PTPRD: variants seen among roughly 807,000 people sequenced by gnomAD.
PTPRD encodes the protein protein tyrosine phosphatase receptor type D, also known as receptor-type tyrosine-protein phosphatase delta.
In PTPRD, 34 loss-of-function variants were observed where a neutral mutation model predicts 214.5. The ratio of observed to expected loss-of-function variants is 0.16; its 90% confidence interval spans 0.12 to 0.21. The LOEUF is 0.21. Ranked by LOEUF, PTPRD falls within the 10% of genes least tolerant of loss-of-function variation. The pLI, the probability that PTPRD is intolerant of heterozygous loss-of-function variation, is 1.00. For missense variants in PTPRD, 2,545 were observed against 2,398.7 expected, an observed-to-expected ratio of 1.06 and a Z score of -1.27; for synonymous variants, 1,128 against 845.7, an observed-to-expected ratio of 1.33 and a Z score of -5.79.
Position 9,183,292 on chromosome 9 carries a change from T to C in PTPRD, c.-143+12A>G, listed in dbSNP as rs934738652. On this transcript the variant is annotated intron_variant, in intron 10 of 45. Coordinates refer to ENST00000381196, the MANE Select transcript of PTPRD (RefSeq NM_002839.4). ...GAGAAGGGAAAGGGTTAAAATGTGG[T>C]TGTGGACTCACCTTGAGTTAGCCAC... 8 of 152,030 alleles carry C rather than the reference T, an allele frequency of 5.3e-5. No individual in the cohort carries two copies. Among genetic ancestry groups the C allele is most frequent in the African/African-American group, 7.2e-5 (3 of 41,446 alleles). 9.4% of individuals were successfully genotyped at this position (152,030 alleles called of 1,614,324 possible).
At chr9:10,220,231 T>A (rs1426544200) in intron 3 of PTPRD, among the ~76,000 whole-genome samples, 2 of 151,926 alleles carry the variant, frequency 1.3e-5, no homozygotes, top group Non-Finnish European at 2.9e-5. Context: ...ATAATCTGTT[T>A]TTAAAATGAT....
chr9:9,736,407 A>G (rs1044703549), intron 6 of PTPRD, among the ~76,000 whole-genome samples: 4 of 152,084 alleles, frequency 2.6e-5, no homozygotes, highest in Non-Finnish European at 5.9e-5. Flanking sequence ...TTGGATAAAT[A>G]TTCCACAATT....
chr9:9,845,404 A>C (rs1220678146), intron 5 of PTPRD, among the ~76,000 whole-genome samples: 2 of 151,766 alleles, frequency 1.3e-5, no homozygotes, highest in African/African-American at 4.8e-5. Context: ...GGCAAGGACC[A>C]CCAGGGCATA....
chr9:9,717,686 C>A (rs2097858233), intron 7 of PTPRD, among the ~76,000 whole-genome samples: 1 of 152,124 alleles, frequency 6.6e-6, no homozygotes, highest in Admixed American at 6.5e-5. Context: ...CTTAGCTCCA[C>A]AAGTCTTTGA....
chr9:8,430,869 C>T (rs184135807), intron 35 of PTPRD, among the ~76,000 whole-genome samples: 1 of 152,250 alleles, frequency 6.6e-6, no homozygotes, highest in African/African-American at 2.4e-5. Flanking sequence ...TTACTGAATC[C>T]CAATAACATT....
chr9:9,294,567 A>G (rs1454865040), intron 9 of PTPRD, among the ~76,000 whole-genome samples: 1 of 151,674 alleles, frequency 6.6e-6, no homozygotes, highest in Non-Finnish European at 1.5e-5. Flanking sequence ...TGTTCTTACA[A>G]ATAGAGACAC....
At chr9:9,983,770 A>G (rs1385265607) in intron 4 of PTPRD, among the ~76,000 whole-genome samples, 2 of 152,250 alleles carry the variant, frequency 1.3e-5, no homozygotes, top group African/African-American at 4.8e-5. Context: ...ATGTCCACGC[A>G]TAATTTCAAT....
intron 3 of PTPRD, among the ~76,000 whole-genome samples, chr9:10,264,151 A>G (rs2093890836): frequency 6.6e-6 from 1 of 152,170 alleles, no homozygotes; most frequent in Non-Finnish European, 1.5e-5. Flanking sequence ...CCTCATGGAG[A>G]ACCTCTGCTA....
At chr9:9,960,795 T>C (rs775699109) in intron 4 of PTPRD, among the ~76,000 whole-genome samples, 12 of 152,096 alleles carry the variant, frequency 7.9e-5, no homozygotes, top group Non-Finnish European at 1.8e-4. Context: ...TCCATGAACA[T>C]TTATTAAAAA....
intron 10 of PTPRD, among the ~76,000 whole-genome samples, chr9:9,169,254 TA>T (rs2130885722): frequency 6.6e-6 from 1 of 152,198 alleles, no homozygotes; most frequent in Non-Finnish European, 1.5e-5. Flanking sequence ...CCACAGGTAA[TA>T]TATATAAAGG....
At chr9:9,846,079 ACTTT>A (rs2153653306) in intron 5 of PTPRD, among the ~76,000 whole-genome samples, 1 of 152,234 alleles carries the variant, frequency 6.6e-6, no homozygotes, top group African/African-American at 2.4e-5. Context: ...ATGGAAAGTA[ACTTT>A]CTATTTTTAA....
chr9:9,445,619 G>A (rs1022152506), intron 8 of PTPRD, among the ~76,000 whole-genome samples: 1 of 152,050 alleles, frequency 6.6e-6, no homozygotes, highest in Admixed American at 6.6e-5. Context: ...AGCAAAGGGG[G>A]AAAATCCTCT....
intron 11 of PTPRD, among the ~76,000 whole-genome samples, chr9:8,971,303 C>T (rs1017673069): frequency 3.3e-5 from 5 of 151,606 alleles, no homozygotes; most frequent in African/African-American, 9.7e-5. Flanking sequence ...GATATAGACA[C>T]ATATAATCCA....
chr9:9,212,777 T>C (rs1428559388), intron 9 of PTPRD, among the ~76,000 whole-genome samples: 1 of 152,166 alleles, frequency 6.6e-6, no homozygotes. Flanking sequence ...ACAGTTGGTG[T>C]GTCACTCTTG....
chr9:9,004,231 A>G (rs1466717304), intron 11 of PTPRD, among the ~76,000 whole-genome samples: 1 of 152,082 alleles, frequency 6.6e-6, no homozygotes, highest in Non-Finnish European at 1.5e-5. Flanking sequence ...AAGCATCCAC[A>G]TTATTTCAAC....
intron 11 of PTPRD, among the ~76,000 whole-genome samples, chr9:8,918,408 G>C (rs989891841): frequency 1.3e-5 from 2 of 152,142 alleles, no homozygotes; most frequent in African/African-American, 2.4e-5. Flanking sequence ...ATGGTGCACT[G>C]TTTTTTAAAC....
At chr9:10,370,339 G>C (rs2097585806) in intron 2 of PTPRD, among the ~76,000 whole-genome samples, 1 of 152,070 alleles carries the variant, frequency 6.6e-6, no homozygotes. Context: ...ATTTTCAGGT[G>C]AAGAGTGACT....
At chr9:10,009,281 G>C (rs2096549780) in intron 4 of PTPRD, among the ~76,000 whole-genome samples, 1 of 151,930 alleles carries the variant, frequency 6.6e-6, no homozygotes, top group Admixed American at 6.6e-5. Flanking sequence ...TCAAAGTACA[G>C]TCTCAAGAGG....
At chr9:9,213,440 G>A (rs1043918441) in intron 9 of PTPRD, among the ~76,000 whole-genome samples, 1 of 152,144 alleles carries the variant, frequency 6.6e-6, no homozygotes, top group African/African-American at 2.4e-5. Flanking sequence ...TTTGCTAAAT[G>A]CAATACATTG....
Sources: allele counts gnomAD v4.1 joint callset (sites outside exome capture counted in the v4.1 genomes callset), GRCh38; gene constraint gnomAD v4.1.1; transcripts MANE v1.5; gene names NCBI Gene and HGNC (gene_info 2026-07-23, HGNC 2026-07-21).